The following PRDM10 variants were observed in gnomAD, a reference collection of about 807,000 sequenced individuals.
PRDM10 encodes PR domain zinc finger protein 10.
PRDM10 carries 65 observed loss-of-function variants against 133.1 expected under a neutral mutation model. That is an observed-to-expected ratio of 0.49 (90% CI 0.40 to 0.60). The LOEUF is 0.60. Among genes scored for constraint, PRDM10 ranks in the 20% least tolerant of loss-of-function variants. The probability of loss-of-function intolerance (pLI) is 0.00; values close to 1 mark genes in which losing one functional copy is unlikely to be tolerated. For synonymous variants in PRDM10, 582 were observed against 580.4 expected, an observed-to-expected ratio of 1.00 and a Z score of -0.04; for missense variants, 1,137 against 1,507.1, an observed-to-expected ratio of 0.75 and a Z score of 4.07.
intron 1 of PRDM10, among the ~76,000 whole-genome samples, chr11:129,970,114 A>C (rs1323015260): frequency 1.3e-5 from 2 of 152,250 alleles, no homozygotes; most frequent in Admixed American, 1.3e-4. Flanking sequence ...AAGGACCCTG[A>C]AGACATAGCA....
chr11:129,916,556 T>C (rs950897868), intron 15 of PRDM10, among the ~76,000 whole-genome samples: 1 of 152,228 alleles, frequency 6.6e-6, no homozygotes, highest in Non-Finnish European at 1.5e-5. Flanking sequence ...GAGAATCGCT[T>C]GAACCCAGGC....
At chr11:129,971,557 G>C (rs930252311) in intron 1 of PRDM10, among the ~76,000 whole-genome samples, 6 of 152,130 alleles carry the variant, frequency 3.9e-5, no homozygotes, top group Non-Finnish European at 7.3e-5. Flanking sequence ...CCTTGAGCTA[G>C]ATACAGAGTG....
intron 1 of PRDM10, among the ~76,000 whole-genome samples, chr11:129,967,922 T>A (rs1473325177): frequency 6.6e-6 from 1 of 151,904 alleles, no homozygotes; most frequent in Non-Finnish European, 1.5e-5. Flanking sequence ...CCCTACCCAC[T>A]CACCATCCAC....
At chr11:129,953,259 T>C (rs913709285) in intron 4 of PRDM10, among the ~76,000 whole-genome samples, 1 of 152,014 alleles carries the variant, frequency 6.6e-6, no homozygotes, top group Non-Finnish European at 1.5e-5. Flanking sequence ...ATAACAGGCA[T>C]GATCCACTGC....
chr11:129,931,383 GAA>G, intron 10 of PRDM10, 125 bp from the exon 11 acceptor site: 1 of 1,317,586 alleles, frequency 7.6e-7, no homozygotes, highest in Admixed American at 2.6e-5. Flanking sequence ...CTCCCTCTGG[GAA>G]AGTTAATTAG....
intron 1 of PRDM10, among the ~76,000 whole-genome samples, chr11:129,979,529 T>C (rs1458581800): frequency 1.3e-5 from 2 of 152,106 alleles, no homozygotes; most frequent in Non-Finnish European, 2.9e-5. Flanking sequence ...GTGAGGTGCA[T>C]CCTAGAGGTC....
intron 7 of PRDM10, 95 bp from the exon 8 acceptor site, chr11:129,937,765 G>A: frequency 1.7e-6 from 2 of 1,149,884 alleles, no homozygotes; most frequent in South Asian, 2.8e-5. Context: ...AAACAATTCA[G>A]GCTTTTCCAC....
chr11:129,984,294 A>G (rs573926859), intron 1 of PRDM10, among the ~76,000 whole-genome samples: 91 of 152,314 alleles, frequency 6.0e-4, no homozygotes, highest in Non-Finnish European at 1.1e-3. Flanking sequence ...ATGTGCTAGA[A>G]TCTATCTTTA....
chr11:129,918,776 G>T lies in PRDM10; in HGVS notation c.2035-58C>A. The T allele has an allele frequency of 6.9e-7, 1 of 1,453,386 alleles. No individual in the cohort carries two copies. The highest frequency in any genetic ancestry group is 9.4e-7 in the Non-Finnish European group (1 of 1,064,322). The allele number at this position is 1,453,386 out of a possible 1,614,324, so 90.0% of individuals were successfully genotyped here. ...ACACGGGGGTAGAAAATTTTTAACT[G>T]AAGGGATCATTTTAAAAATCAATAC... On this transcript the variant is annotated intron_variant, in intron 13 of 20. Coordinates refer to ENST00000360871, the MANE Select transcript of PRDM10 (RefSeq NM_199437.2). This position sits in a 1 kb window ranked among gnomAD's most constrained non-coding sequence, Gnocchi z 5.3.
chr11:129,946,780 G>A (rs890032915), intron 5 of PRDM10, among the ~76,000 whole-genome samples: 1 of 152,210 alleles, frequency 6.6e-6, no homozygotes, highest in Admixed American at 6.5e-5. Flanking sequence ...AGGCAAACTT[G>A]TTAAAGCTGA....
At position 129,947,453 on chromosome 11, in the gene PRDM10, G is replaced by A. The variant is rs201571129; in HGVS notation, c.295-83C>T. 3.2e-5 allele frequency: 50 copies of A among 1,584,804 alleles called. No individual in the cohort carries two copies. Among genetic ancestry groups the A allele is most frequent in the East Asian group, 3.2e-4 (14 of 44,442 alleles). On this transcript the variant is annotated intron_variant, in intron 4 of 20. Coordinates refer to ENST00000360871, the MANE Select transcript of PRDM10 (RefSeq NM_199437.2). This position sits in a 1 kb window ranked among gnomAD's most constrained non-coding sequence, Gnocchi z 4.6. ...TGGTGCCTGCTGGCACAAACAGGGC[G>A]CAAGGGCTGGCTGAAATCTAGTCTT...
At chr11:129,931,785 G>T (rs1001007913) in intron 10 of PRDM10, among the ~76,000 whole-genome samples, 1 of 151,934 alleles carries the variant, frequency 6.6e-6, no homozygotes, top group Non-Finnish European at 1.5e-5. Flanking sequence ...AGCCAGGATG[G>T]TCTCGATCTC....
At position 129,923,124 on chromosome 11, in the gene PRDM10, G is replaced by A; in HGVS notation, c.2034+124C>T. 1 of 1,166,566 alleles carries A rather than the reference G, an allele frequency of 8.6e-7. No individual in the cohort carries two copies. Among genetic ancestry groups the A allele is most frequent in the East Asian group, 2.9e-5 (1 of 34,148 alleles). 72.3% of individuals were successfully genotyped at this position (1,166,566 alleles called of 1,614,324 possible). A position where few individuals can be genotyped will look rare whatever the true frequency, so the allele number is the denominator to read the frequency against. ...CTAAGTCAAACACAAGGCCCAAAGA[G>A]TATCTCAGGTCCAGTTCATCAGAGG... On this transcript the variant is annotated intron_variant, in intron 13 of 20. Transcript: ENST00000360871. The surrounding 1 kb of genome is among the most constrained non-coding windows in gnomAD (Gnocchi z 4.4).
intron 5 of PRDM10, among the ~76,000 whole-genome samples, chr11:129,946,480 A>G (rs1308887084): frequency 6.6e-6 from 1 of 152,108 alleles, no homozygotes; most frequent in Non-Finnish European, 1.5e-5. Context: ...ATGAGTAAGC[A>G]CTTTGCCACA....
In PRDM10 at chr11:129,947,113, C is replaced by G. The variant is rs970618945; in HGVS notation, c.520+32G>C. 4 of 1,608,556 alleles carry G rather than the reference C, an allele frequency of 2.5e-6. No homozygotes were observed. The highest frequency in any genetic ancestry group is 2.5e-6 in the Non-Finnish European group (3 of 1,176,740). On this transcript the variant is annotated intron_variant, in intron 5 of 20. Coordinates refer to ENST00000360871, the MANE Select transcript of PRDM10 (RefSeq NM_199437.2). This position sits in a 1 kb window ranked among gnomAD's most constrained non-coding sequence, Gnocchi z 4.6. ...ACACAGACACACAAGATGGACACAG[C>G]TTCCCTGGGGGAGACCCGTGCCCAC...
intron 6 of PRDM10, among the ~76,000 whole-genome samples, chr11:129,944,498 T>G (rs1951333890): frequency 6.8e-6 from 1 of 148,024 alleles, no homozygotes; most frequent in Non-Finnish European, 1.5e-5. Context: ...GGCAGGAGAA[T>G]GGCGTGAACC....
intron 9 of PRDM10, 148 bp from the exon 10 acceptor site, chr11:129,932,379 T>C: frequency 2.0e-6 from 2 of 988,922 alleles, no homozygotes; most frequent in South Asian, 3.8e-5. Flanking sequence ...ACAACTGTTT[T>C]ACTAATATAC....
chr11:129,905,789 C>G (rs750986674), intron 19 of PRDM10, 48 bp from the exon 20 acceptor site: 3 of 1,526,050 alleles, frequency 2.0e-6, no homozygotes, highest in East Asian at 2.3e-5. Flanking sequence ...GATTTTAACA[C>G]AAGTCTTAGA....
intron 7 of PRDM10, among the ~76,000 whole-genome samples, 173 bp from the exon 8 acceptor site, chr11:129,937,843 G>A (rs571627694): frequency 3.8e-4 from 58 of 152,328 alleles, no homozygotes; most frequent in Admixed American, 2.6e-3. Context: ...CAGCAGATCA[G>A]TCAGGAAGTT....
Sources: gnomAD v4.1 joint callset for allele counts (sites outside exome capture counted in the v4.1 genomes callset) on GRCh38, gnomAD v4.1.1 for gene constraint, Gnocchi (gnomAD v3.1) non-coding constraint, MANE v1.5 for transcripts, NCBI Gene and HGNC (gene_info 2026-07-23, HGNC 2026-07-21) for gene names.